The following CTNNA2 variants were observed in gnomAD, a reference collection of about 807,000 sequenced individuals.
The protein encoded by CTNNA2 is catenin alpha 2.
Under a neutral mutation model 101.0 loss-of-function variants are expected in CTNNA2, and 42 were observed. That is an observed-to-expected ratio of 0.42 (90% CI 0.32 to 0.54). The LOEUF (loss-of-function observed/expected upper bound fraction) is 0.54. Ranked by LOEUF, CTNNA2 falls within the 20% of genes least tolerant of loss-of-function variation. The pLI is 0.14. For missense variants in CTNNA2, 871 were observed against 1,223.1 expected (o/e 0.71, Z 4.29); for synonymous variants, 450 against 456.4 (o/e 0.99, Z 0.18).
intron 6 of CTNNA2, among the ~76,000 whole-genome samples, chr2:79,890,127 A>G (rs1295009146): frequency 6.6e-6 from 1 of 152,218 alleles, no homozygotes; most frequent in Non-Finnish European, 1.5e-5. Context: ...TTCACATTAA[A>G]TATGAGATTT....
At chr2:80,577,756 C>T (rs973661336) in intron 13 of CTNNA2, among the ~76,000 whole-genome samples, 1 of 138,906 alleles carries the variant, frequency 7.2e-6, no homozygotes, top group Admixed American at 7.1e-5. Flanking sequence ...CAGCCCATTC[C>T]AGTGGTGTTG....
chr2:79,932,517 T>C (rs763583074), intron 7 of CTNNA2, among the ~76,000 whole-genome samples: 6 of 152,036 alleles, frequency 3.9e-5, no homozygotes, highest in Middle Eastern at 3.2e-3. Context: ...GTTTTCTTAA[T>C]GCTAGATCAA....
rs1252655169 is a variant in CTNNA2, at chr2:79,211,834, A to G, written c.-406+13758A>G. Among the ~76,000 whole-genome samples, 5 of 151,958 alleles carry G rather than the reference A, an allele frequency of 3.3e-5. No homozygotes were observed. The South Asian group carries it at 8.3e-4, about 25-fold the overall frequency. On this transcript the variant is annotated intron_variant, in intron 2 of 21. Coordinates refer to the CTNNA2 transcript ENST00000466387. Reference sequence around the variant, plus strand: ...GTTGGGATGGCAACAATTTTGGGGGATGGTATGGAGAGATAGTGGGCGATG... The same window carrying G: ...GTTGGGATGGCAACAATTTTGGGGGGTGGTATGGAGAGATAGTGGGCGATG...
intron 7 of CTNNA2, among the ~76,000 whole-genome samples, chr2:80,327,997 A>G (rs1347179461): frequency 6.6e-6 from 1 of 152,188 alleles, no homozygotes; most frequent in Non-Finnish European, 1.5e-5. Context: ...GGAAATGTTG[A>G]CTTATTAACA....
intron 2 of CTNNA2, among the ~76,000 whole-genome samples, chr2:79,240,255 G>T (rs1213669987): frequency 7.3e-5 from 11 of 151,382 alleles, no homozygotes; most frequent in Admixed American, 2.0e-4. Flanking sequence ...GGGTACATGT[G>T]CAGATGTTTC....
At chr2:80,213,547 G>A (rs2149040127) in intron 7 of CTNNA2, among the ~76,000 whole-genome samples, 1 of 152,284 alleles carries the variant, frequency 6.6e-6, no homozygotes, top group Middle Eastern at 3.4e-3. Flanking sequence ...TTAATCCTGA[G>A]TTCTAATTTG....
At chr2:80,130,105 G>T (rs180802441) in intron 7 of CTNNA2, among the ~76,000 whole-genome samples, 5 of 152,174 alleles carry the variant, frequency 3.3e-5, no homozygotes, top group Non-Finnish European at 7.4e-5. Flanking sequence ...AAATCACGGT[G>T]GTGCCAAAGA....
intron 4 of CTNNA2, among the ~76,000 whole-genome samples, chr2:79,450,308 T>C (rs1678876428): frequency 6.6e-6 from 1 of 152,040 alleles, no homozygotes; most frequent in Non-Finnish European, 1.5e-5. Context: ...TACGGTCCAC[T>C]GGTATGTGAA....
chr2:79,719,307 C>G (rs1291614130), intron 2 of CTNNA2, among the ~76,000 whole-genome samples: 2 of 152,132 alleles, frequency 1.3e-5, no homozygotes, highest in Non-Finnish European at 2.9e-5. Context: ...TTTATCCAAT[C>G]CACCATTAAT....
chr2:80,075,156 G>A (rs1256678511), intron 7 of CTNNA2, among the ~76,000 whole-genome samples: 1 of 152,124 alleles, frequency 6.6e-6, no homozygotes, highest in Non-Finnish European at 1.5e-5. Context: ...AAGGTCATCA[G>A]ATAGGTATTG....
chr2:80,582,565 G>A (rs1246745448), intron 14 of CTNNA2, among the ~76,000 whole-genome samples: 1 of 152,130 alleles, frequency 6.6e-6, no homozygotes, highest in African/African-American at 2.4e-5. Context: ...CTGATTTGCT[G>A]TATCACCCAG....
At chr2:79,886,578 C>T (rs189652914) in intron 6 of CTNNA2, among the ~76,000 whole-genome samples, 4 of 151,220 alleles carry the variant, frequency 2.6e-5, no homozygotes, top group East Asian at 2.0e-4. Flanking sequence ...GGTGAAAACC[C>T]GTCTCTACTA....
At chr2:80,333,532 G>A (rs894493682) in intron 7 of CTNNA2, among the ~76,000 whole-genome samples, 8 of 152,194 alleles carry the variant, frequency 5.3e-5, no homozygotes, top group Non-Finnish European at 1.2e-4. Flanking sequence ...ACTGACATGA[G>A]ATTCTGAATC....
Position 79,662,700 on chromosome 2 carries a change from T to C in CTNNA2, c.102+11042T>C, listed in dbSNP as rs544571519. ...GGGCATGTCAACACACTGGCTTATA[T>C]GTTTCTTGTCATCCGATTGAAAGTA... is the stretch of plus-strand genomic sequence containing the variant. On this transcript the variant is annotated intron_variant, in intron 2 of 18. Coordinates refer to ENST00000402739, the MANE Select transcript of CTNNA2 (RefSeq NM_001282597.3). Among the ~76,000 whole-genome samples the C allele has an allele frequency of 2.0e-5, 3 of 152,294 alleles. No homozygotes were observed. The East Asian group carries it at 5.8e-4, about 29-fold the overall frequency.
intron 2 of CTNNA2, among the ~76,000 whole-genome samples, chr2:79,212,795 T>G (rs1409686966): frequency 6.6e-6 from 1 of 152,150 alleles, no homozygotes; most frequent in African/African-American, 2.4e-5. Flanking sequence ...TCGGGGCATG[T>G]GAGTAAAGCT....
At chr2:80,069,691 G>A (rs1430917653) in intron 7 of CTNNA2, among the ~76,000 whole-genome samples, 1 of 152,068 alleles carries the variant, frequency 6.6e-6, no homozygotes, top group Non-Finnish European at 1.5e-5. Context: ...GAAGAGATTT[G>A]CTTAATATAT....
At chr2:79,247,496 C>T (rs1192357902) in intron 2 of CTNNA2, among the ~76,000 whole-genome samples, 1 of 152,176 alleles carries the variant, frequency 6.6e-6, no homozygotes, top group African/African-American at 2.4e-5. Context: ...TTCTCCTTTA[C>T]TAATGAAACA....
intron 7 of CTNNA2, among the ~76,000 whole-genome samples, chr2:80,240,340 G>A (rs772985581): frequency 6.6e-6 from 1 of 152,166 alleles, no homozygotes; most frequent in African/African-American, 2.4e-5. Context: ...CCAGATTTGA[G>A]AACTTCTATG....
chr2:80,445,197 T>C (rs1682967741), intron 9 of CTNNA2, among the ~76,000 whole-genome samples: 1 of 152,152 alleles, frequency 6.6e-6, no homozygotes, highest in African/African-American at 2.4e-5. Context: ...TATTTATTTT[T>C]TTGAGACAGA....
Sources: gnomAD v4.1 joint callset for allele counts (sites outside exome capture counted in the v4.1 genomes callset) on GRCh38, gnomAD v4.1.1 for gene constraint, MANE v1.5 for transcripts, NCBI Gene and HGNC (gene_info 2026-07-23, HGNC 2026-07-21) for gene names.